The following STRN4 variants were observed in gnomAD, a reference collection of about 807,000 sequenced individuals.
STRN4 encodes striatin 4, also known as striatin-4.
A neutral mutation model predicts 77.9 loss-of-function variants in STRN4; 27 were observed. The observed-to-expected ratio is 0.35, with a 90% CI of 0.26 to 0.48. The LOEUF (loss-of-function observed/expected upper bound fraction) is 0.48, where lower values mean the gene tolerates loss of function less well. Among genes scored for constraint, STRN4 ranks in the 20% least tolerant of loss-of-function variants. STRN4 has a pLI of 0.99. For missense variants in STRN4, 798 were observed against 1,049.7 expected (o/e 0.76, Z 3.31); for synonymous variants, 466 against 443.1 (o/e 1.05, Z -0.65).
chr19:46,732,739 C>T, intron 5 of STRN4: 1 of 385,442 alleles, frequency 2.6e-6, no homozygotes, highest in South Asian at 3.5e-5. Context: ...GCTGGCGAGG[C>T]ACCCAGGGTG....
At chr19:46,727,830 A>G in intron 8 of STRN4, 64 bp downstream of exon 8, 1 of 1,419,484 alleles carries the variant, frequency 7.0e-7, no homozygotes, top group Non-Finnish European at 9.6e-7. Context: ...CCCTGGGCTC[A>G]GCTCTGCAGC....
Position 46,723,276 on chromosome 19 carries a change from C to T in STRN4, c.1603G>A (p.Val535Met), listed in dbSNP as rs200300490. 3.9e-5 allele frequency: 60 copies of T among 1,545,552 alleles called. No individual in the cohort carries two copies. The highest frequency in any genetic ancestry group is 3.4e-4 in the Middle Eastern group (2 of 5,798). Reference protein sequence around the residue: ...MDPYDGYDPSVLSHVLEGHGD... With the variant: ...MDPYDGYDPSMLSHVLEGHGD... ...TGGCCCTCCAGGACGTGGCTCAGCA[C>T]GCTTGGGTCTGCACCCACCGCAGGG... Residue 535 changes from valine (V) to methionine (M), a missense_variant, in exon 13 of 18, where the codon GTG (valine) becomes ATG (methionine). Coordinates refer to ENST00000263280, the MANE Select transcript of STRN4 (RefSeq NM_013403.3). This position sits in a 1 kb window ranked among gnomAD's most constrained non-coding sequence, Gnocchi z 5.5.
intron 14 of STRN4, 82 bp downstream of exon 14, chr19:46,722,728 A>C: frequency 6.3e-7 from 1 of 1,576,868 alleles, no homozygotes; most frequent in Non-Finnish European, 8.6e-7. Flanking sequence ...GCTGACTGAC[A>C]AGGGGTCGCC....
chr19:46,744,532 T>C (rs1370300211), intron 1 of STRN4, among the ~76,000 whole-genome samples: 4 of 151,996 alleles, frequency 2.6e-5, no homozygotes, highest in African/African-American at 9.7e-5. Context: ...TACAGGCGCA[T>C]GTCACCACAC....
At chr19:46,739,207 TGGAGA>T (rs1401664391) in intron 1 of STRN4, 5 of 379,926 alleles carry the variant, frequency 1.3e-5, no homozygotes, top group Non-Finnish European at 2.5e-5. Flanking sequence ...GGGATGGCAG[TGGAGA>T]GGAGGGTGGG....
Position 46,738,762 on chromosome 19 carries a change from C to T in STRN4, c.386+23G>A, listed in dbSNP as rs1568404454. Reference sequence around the variant, plus strand: ...GCTTGAGACGGACCCAGAAGGCAGGCCCAGGGCAGGATGAAGGCTCACCTT... The same window carrying T: ...GCTTGAGACGGACCCAGAAGGCAGGTCCAGGGCAGGATGAAGGCTCACCTT... On this transcript the variant is annotated intron_variant, in intron 2 of 17. Coordinates refer to ENST00000263280, the MANE Select transcript of STRN4 (RefSeq NM_013403.3). This position sits in a 1 kb window ranked among gnomAD's most constrained non-coding sequence, Gnocchi z 4.5. 2 of 1,612,786 alleles carry T rather than the reference C, an allele frequency of 1.2e-6. No individual in the cohort carries two copies. The highest frequency in any genetic ancestry group is 1.7e-6 in the Non-Finnish European group (2 of 1,179,048).
intron 14 of STRN4, among the ~76,000 whole-genome samples, chr19:46,722,597 G>A (rs1273148082): frequency 2.0e-5 from 3 of 152,212 alleles, no homozygotes; most frequent in Admixed American, 6.5e-5. Flanking sequence ...CCGACGGGGC[G>A]GCCCTGACGC....
intron 4 of STRN4, among the ~76,000 whole-genome samples, chr19:46,735,406 G>A (rs1419057496): frequency 6.6e-6 from 1 of 152,138 alleles, no homozygotes; most frequent in African/African-American, 2.4e-5. Context: ...GCTGAGGCAG[G>A]AGATCACTTG....
At chr19:46,724,645 C>T (rs1446697338) in intron 12 of STRN4, among the ~76,000 whole-genome samples, 162 bp downstream of exon 12, 4 of 152,272 alleles carry the variant, frequency 2.6e-5, no homozygotes, top group East Asian at 1.9e-4. Context: ...CCCTTGGCCA[C>T]GCGCTGCATC....
chr19:46,731,049 A>G (rs1226703367), intron 5 of STRN4, 176 bp from the exon 6 acceptor site: 1 of 841,242 alleles, frequency 1.2e-6, no homozygotes, highest in East Asian at 2.7e-5. Context: ...TGCCCAACAA[A>G]TGCTCATTCC....
At chr19:46,739,244 CCT>C (rs1198636669) in intron 1 of STRN4, 3 of 313,160 alleles carry the variant, frequency 9.6e-6, no homozygotes, top group Non-Finnish European at 1.3e-5. Flanking sequence ...CTGGACTACC[CCT>C]GACGCCCTCT....
Position 46,725,450 on chromosome 19 carries a change from G to A in STRN4, c.1424+23C>T, listed in dbSNP as rs116058148. ...CCCGTCCCCAGATGCCCCTGCCCCCGGCTCTGAGCTTGCTGCCCTCACTTC... is the reference window on the plus strand; with the variant it reads ...CCCGTCCCCAGATGCCCCTGCCCCCAGCTCTGAGCTTGCTGCCCTCACTTC... On this transcript the variant is annotated intron_variant, in intron 10 of 17. Coordinates refer to ENST00000263280, the MANE Select transcript of STRN4 (RefSeq NM_013403.3). 609 of 1,613,116 alleles carry A rather than the reference G, an allele frequency of 3.8e-4. 3 individuals carry two copies. The African/African-American group carries it at 6.4e-3, about 17-fold the overall frequency.
At position 46,746,038 on chromosome 19, in the gene STRN4, C is replaced by T. The variant is rs1408769029; in HGVS notation, c.282+111G>A. 1.7e-5 allele frequency: 20 copies of T among 1,198,330 alleles called. 2 individuals carry two copies. The highest frequency in any genetic ancestry group is 4.5e-5 in the Admixed American group (1 of 22,444). The allele number at this position is 1,198,330 out of a possible 1,614,324, so 74.2% of individuals were successfully genotyped here. Reference sequence around the variant, plus strand: ...CCGTCGCGGTCCCCTCCCGCCCCCCCGCCGGCCGTCCCGGCGGCCATTGCT... The same window carrying T: ...CCGTCGCGGTCCCCTCCCGCCCCCCTGCCGGCCGTCCCGGCGGCCATTGCT... On this transcript the variant is annotated intron_variant, in intron 1 of 17. Transcript: ENST00000263280.
At chr19:46,743,269 C>T (rs1055169335) in intron 1 of STRN4, among the ~76,000 whole-genome samples, 6 of 152,124 alleles carry the variant, frequency 3.9e-5, no homozygotes, top group African/African-American at 1.4e-4. Flanking sequence ...CACACACACA[C>T]CCCTCTGAGA....
At position 46,732,786 on chromosome 19, in the gene STRN4, G is replaced by A. The variant is rs2054281527; in HGVS notation, c.737+253C>T. ...AGCACCCCACTCGACCGAGAAGCGGGCAGGCCTGAGTATCAGGACGGGGGC... is the reference window on the plus strand; with the variant it reads ...AGCACCCCACTCGACCGAGAAGCGGACAGGCCTGAGTATCAGGACGGGGGC... On this transcript the variant is annotated intron_variant, in intron 5 of 17. Transcript: ENST00000263280. 31 of 488,202 alleles carry A rather than the reference G, an allele frequency of 6.3e-5. 1 individual carries two copies. The South Asian group carries it at 7.0e-4, about 11-fold the overall frequency. The allele number at this position is 488,202 out of a possible 1,614,324, so 30.2% of individuals were successfully genotyped here.
Position 46,722,004 on chromosome 19 carries a change from C to A in STRN4, c.2074G>T (p.Ala692Ser), listed in dbSNP as rs377115014. 6.2e-7 allele frequency: 1 copy of A among 1,613,772 alleles called. No individual in the cohort carries two copies. The highest frequency in any genetic ancestry group is 1.1e-5 in the South Asian group (1 of 91,082). ...AACTTACTTCCTGACATCAGGAATG[C>A]GCCGTTGGGGTCCACGGCTAGGCAG... ...VTCLAVDPNG[A>S]FLMSGSHDCS... is the part of the protein sequence containing the mutation. The change falls in exon 16 of 18, where the codon GCA (alanine) becomes TCA (serine). Residue 692 changes from alanine (A) to serine (S), a missense_variant. Ala to Ser is a moderately conservative substitution (Grantham distance 99, BLOSUM62 1). Around this residue, in one of 2 missense-constraint regions of STRN4, gnomAD observed 287 missense variants for 473.8 expected, o/e 0.61. Coordinates refer to ENST00000263280, the MANE Select transcript of STRN4 (RefSeq NM_013403.3).
At chr19:46,731,110 G>A (rs1035356295) in intron 5 of STRN4, among the ~76,000 whole-genome samples, 7 of 152,136 alleles carry the variant, frequency 4.6e-5, no homozygotes, top group South Asian at 2.1e-4. Context: ...CTCAATGACC[G>A]CCGACCTGAG....
In STRN4 at chr19:46,738,364, T is replaced by C. The variant is rs2054410411; in HGVS notation, c.387-127A>G. 2.2e-6 allele frequency: 2 copies of C among 913,222 alleles called. No homozygotes were observed. The highest frequency in any genetic ancestry group is 3.5e-6 in the Non-Finnish European group (2 of 571,376). 56.6% of individuals were successfully genotyped at this position (913,222 alleles called of 1,614,324 possible). On this transcript the variant is annotated intron_variant, in intron 2 of 17. Coordinates refer to ENST00000263280, the MANE Select transcript of STRN4 (RefSeq NM_013403.3). The surrounding 1 kb of genome is among the most constrained non-coding windows in gnomAD (Gnocchi z 4.5). ...CCCCCAGCTCGTCTACTACTGAGGC[T>C]GAAGCATCCCCCCACACCCCTGGCC...
At chr19:46,729,233 C>T (rs1443005730) in intron 6 of STRN4, among the ~76,000 whole-genome samples, 1 of 152,226 alleles carries the variant, frequency 6.6e-6, no homozygotes, top group Non-Finnish European at 1.5e-5. Flanking sequence ...CCACTGACTA[C>T]CCCTCGCAGA....
Sources: allele counts gnomAD v4.1 joint callset (sites outside exome capture counted in the v4.1 genomes callset), GRCh38; gene constraint gnomAD v4.1.1; regional missense constraint gnomAD v4.1.1; non-coding constraint Gnocchi (gnomAD v3.1); transcripts MANE v1.5; gene names NCBI Gene and HGNC (gene_info 2026-07-23, HGNC 2026-07-21).